The following KIAA1328 variants were observed in gnomAD, a reference collection of about 807,000 sequenced individuals.
KIAA1328 encodes the protein KIAA1328.
A neutral mutation model predicts 68.1 loss-of-function variants in KIAA1328; 52 were observed. That is an observed-to-expected ratio of 0.76 (90% CI 0.61 to 0.96). KIAA1328 has a LOEUF of 0.96. KIAA1328 is among the 40% of genes least tolerant of loss of function. The probability of loss-of-function intolerance (pLI) is 0.00; values close to 1 mark genes in which losing one functional copy is unlikely to be tolerated. For missense variants in KIAA1328, 641 were observed against 677.6 expected, an observed-to-expected ratio of 0.95 and a Z score of 0.60; for synonymous variants, 232 against 239.4, an observed-to-expected ratio of 0.97 and a Z score of 0.28.
intron 7 of KIAA1328, among the ~76,000 whole-genome samples, chr18:37,109,072 TC>T (rs1346119278): frequency 6.6e-6 from 1 of 152,230 alleles, no homozygotes; most frequent in East Asian, 1.9e-4. Flanking sequence ...AATGATGGTT[TC>T]CAGCTTCATC....
At chr18:37,181,427 A>G (rs749274407) in intron 9 of KIAA1328, among the ~76,000 whole-genome samples, 1 of 152,116 alleles carries the variant, frequency 6.6e-6, no homozygotes, top group Non-Finnish European at 1.5e-5. Flanking sequence ...AATAGAATGC[A>G]TGGAAATTCT....
intron 9 of KIAA1328, among the ~76,000 whole-genome samples, chr18:37,207,508 G>T (rs2060238264): frequency 6.6e-6 from 1 of 152,170 alleles, no homozygotes; most frequent in Non-Finnish European, 1.5e-5. Context: ...AAAGTGTCCT[G>T]CTTAGGAGTA....
intron 6 of KIAA1328, among the ~76,000 whole-genome samples, chr18:37,042,235 A>G (rs2055283113): frequency 6.6e-6 from 1 of 152,224 alleles, no homozygotes; most frequent in Non-Finnish European, 1.5e-5. Flanking sequence ...ACTGTTTTAT[A>G]CTTAATTATT....
intron 6 of KIAA1328, among the ~76,000 whole-genome samples, chr18:36,987,514 A>T (rs996115436): frequency 7.1e-6 from 1 of 140,072 alleles, no homozygotes; most frequent in African/African-American, 3.1e-5. Context: ...AAATAAAAAT[A>T]AAAAAATAAA....
Position 36,914,558 on chromosome 18 carries a change from A to G in KIAA1328, c.448+28886A>G, listed in dbSNP as rs1215172733. Among the ~76,000 whole-genome samples, 9 of 152,162 alleles carry G rather than the reference A, an allele frequency of 5.9e-5. 1 individual carries two copies. In the South Asian group the frequency reaches 1.5e-3, roughly 25 times the overall value. ...AACATGGTGAAATCCCATCTCTACTAAAAATACAAACATTAGCCAGGCGCA... is the reference window on the plus strand; with the variant it reads ...AACATGGTGAAATCCCATCTCTACTGAAAATACAAACATTAGCCAGGCGCA... On this transcript the variant is annotated intron_variant, in intron 5 of 9. Coordinates refer to ENST00000280020, the MANE Select transcript of KIAA1328 (RefSeq NM_020776.3).
At chr18:37,043,133 C>T (rs2055325229) in intron 6 of KIAA1328, among the ~76,000 whole-genome samples, 1 of 152,046 alleles carries the variant, frequency 6.6e-6, no homozygotes, top group Non-Finnish European at 1.5e-5. Context: ...CTATTTGTTG[C>T]CATTGTTGTA....
At chr18:36,844,435 A>G in intron 4 of KIAA1328, 133 bp downstream of exon 4, 2 of 512,666 alleles carry the variant, frequency 3.9e-6, no homozygotes. Flanking sequence ...GAAAAAAGAC[A>G]TTCTGTGATG....
chr18:36,933,708 G>A (rs2050396733), intron 5 of KIAA1328, among the ~76,000 whole-genome samples: 2 of 152,232 alleles, frequency 1.3e-5, no homozygotes, highest in Non-Finnish European at 2.9e-5. Context: ...TGGCCACTGA[G>A]AAAGTACTTA....
At chr18:36,911,986 A>AAT (rs2049470371) in intron 5 of KIAA1328, among the ~76,000 whole-genome samples, 1 of 151,996 alleles carries the variant, frequency 6.6e-6, no homozygotes, top group South Asian at 2.1e-4. Context: ...GTGAGAAAAA[A>AAT]ATACTTATTC....
At chr18:36,982,098 A>G (rs2052713977) in intron 6 of KIAA1328, among the ~76,000 whole-genome samples, 1 of 144,442 alleles carries the variant, frequency 6.9e-6, no homozygotes, top group Non-Finnish European at 1.5e-5. Flanking sequence ...ATTATATTAT[A>G]TATAATATAA....
At chr18:36,929,699 C>T (rs760516375) in intron 5 of KIAA1328, among the ~76,000 whole-genome samples, 1 of 152,026 alleles carries the variant, frequency 6.6e-6, no homozygotes, top group African/African-American at 2.4e-5. Flanking sequence ...ATAAAAGAGG[C>T]TCCAGGAAGC....
At chr18:37,028,603 G>T (rs1164598663) in intron 6 of KIAA1328, among the ~76,000 whole-genome samples, 1 of 151,746 alleles carries the variant, frequency 6.6e-6, no homozygotes, top group South Asian at 2.1e-4. Context: ...GTCTTGTTCT[G>T]GTTTGCAAGG....
chr18:37,099,441 AGTTT>A (rs1430003214), intron 7 of KIAA1328, among the ~76,000 whole-genome samples: 2 of 152,198 alleles, frequency 1.3e-5, no homozygotes, highest in Non-Finnish European at 2.9e-5. Flanking sequence ...TCTGAGAGAC[AGTTT>A]GTTTTAATTT....
At chr18:36,997,228 C>T (rs1048630748) in intron 6 of KIAA1328, among the ~76,000 whole-genome samples, 2 of 152,162 alleles carry the variant, frequency 1.3e-5, no homozygotes, top group Admixed American at 6.5e-5. Flanking sequence ...AAACACTTAA[C>T]TATGAATAGT....
intron 7 of KIAA1328, among the ~76,000 whole-genome samples, chr18:37,108,227 A>G (rs957269030): frequency 2.6e-5 from 4 of 152,348 alleles, no homozygotes; most frequent in African/African-American, 9.6e-5. Context: ...AGCAACATGG[A>G]TGGAACTGGT....
chr18:37,161,484 C>T (rs1325973761), intron 8 of KIAA1328, among the ~76,000 whole-genome samples: 1 of 152,208 alleles, frequency 6.6e-6, no homozygotes, highest in South Asian at 2.1e-4. Context: ...TTTTGTTAGA[C>T]ATAAGGCAAA....
At chr18:37,021,898 G>C (rs1194500114) in intron 6 of KIAA1328, among the ~76,000 whole-genome samples, 1 of 152,068 alleles carries the variant, frequency 6.6e-6, no homozygotes, top group East Asian at 1.9e-4. Context: ...AAATTAGCTG[G>C]ACATGGTGGC....
chr18:36,974,472 A>G (rs1015399588), intron 6 of KIAA1328, among the ~76,000 whole-genome samples: 2 of 152,330 alleles, frequency 1.3e-5, no homozygotes, highest in African/African-American at 4.8e-5. Context: ...TGCAGTAGAC[A>G]TAATTGCATT....
intron 9 of KIAA1328, among the ~76,000 whole-genome samples, chr18:37,189,501 A>G (rs1308582794): frequency 6.6e-6 from 1 of 152,226 alleles, no homozygotes; most frequent in South Asian, 2.1e-4. Context: ...TAAGCTATTT[A>G]ACATTAATTT....
Sources: allele counts gnomAD v4.1 joint callset (sites outside exome capture counted in the v4.1 genomes callset), GRCh38; gene constraint gnomAD v4.1.1; transcripts MANE v1.5; gene names NCBI Gene and HGNC (gene_info 2026-07-23, HGNC 2026-07-21).